HLTF: variants seen among roughly 807,000 people sequenced by gnomAD.
HLTF encodes the protein DNA-dependent ATPase/E3 ubiquitin-protein ligase HLTF.
HLTF carries 127 observed loss-of-function variants against 129.4 expected under a neutral mutation model. That is an observed-to-expected ratio of 0.98 (90% CI 0.85 to 1.14). The LOEUF is 1.14. Ranked by LOEUF, HLTF falls within the 50% of genes most tolerant of loss-of-function variation. HLTF has a pLI of 0.00. For missense variants in HLTF, 1,139 were observed against 1,187.1 expected (o/e 0.96, Z 0.60); for synonymous variants, 332 against 388.8 (o/e 0.85, Z 1.72).
At chr3:149,053,096 A>T (rs552691265) in intron 14 of HLTF, among the ~76,000 whole-genome samples, 3 of 152,252 alleles carry the variant, frequency 2.0e-5, no homozygotes, top group Non-Finnish European at 4.4e-5. Context: ...AAAAGGGAAT[A>T]TAAGTCAGTT....
intron 14 of HLTF, among the ~76,000 whole-genome samples, chr3:149,054,100 T>C (rs1041101090): frequency 5.9e-5 from 9 of 152,058 alleles, no homozygotes; most frequent in African/African-American, 1.9e-4. Flanking sequence ...AAAAAGACTA[T>C]AAAGCCAAGA....
In HLTF at chr3:149,063,411, A is replaced by G. The variant is rs758733185; in HGVS notation, c.1160+20T>C. On this transcript the variant is annotated intron_variant, in intron 10 of 24. Transcript: ENST00000310053. ...AGAGTCTAAATAAACATATGACATA[A>G]TCAAACCATAATAGTTTACCTTTTG... The G allele has an allele frequency of 3.5e-6, 5 of 1,443,866 alleles. No homozygotes were observed. Among genetic ancestry groups the G allele is most frequent in the East Asian group, 4.5e-5 (2 of 44,066 alleles). The allele number at this position is 1,443,866 out of a possible 1,614,324, so 89.4% of individuals were successfully genotyped here.
intron 2 of HLTF, among the ~76,000 whole-genome samples, chr3:149,078,610 C>A (rs1042513673): frequency 1.3e-5 from 2 of 152,046 alleles, no homozygotes; most frequent in African/African-American, 4.8e-5. Flanking sequence ...GTAATCCCAG[C>A]ACTTTGGGAG....
chr3:149,064,248 C>A (rs533497602), intron 9 of HLTF, among the ~76,000 whole-genome samples: 155 of 152,218 alleles, frequency 1.0e-3, no homozygotes, highest in African/African-American at 3.2e-3. Context: ...CTTTCCTGTT[C>A]CAAACTTAAG....
chr3:149,036,208 A>G (rs1400357293), intron 23 of HLTF, among the ~76,000 whole-genome samples: 2 of 152,120 alleles, frequency 1.3e-5, no homozygotes, highest in Non-Finnish European at 2.9e-5. Context: ...AGAATAACCA[A>G]AAAGATATAG....
intron 21 of HLTF, 55 bp downstream of exon 21, chr3:149,039,976 T>C: frequency 6.7e-7 from 1 of 1,483,426 alleles, no homozygotes; most frequent in Admixed American, 1.9e-5. Flanking sequence ...ACTGTGTATA[T>C]TTCCTTATAT....
At chr3:149,082,781 A>C (rs929907852) in intron 2 of HLTF, among the ~76,000 whole-genome samples, 3 of 152,266 alleles carry the variant, frequency 2.0e-5, no homozygotes, top group African/African-American at 4.8e-5. Flanking sequence ...CAAGGAAATT[A>C]TAAGTCCAAT....
At chr3:149,057,056 G>A (rs1188817557) in intron 13 of HLTF, among the ~76,000 whole-genome samples, 1 of 133,790 alleles carries the variant, frequency 7.5e-6, no homozygotes, top group Non-Finnish European at 1.5e-5. Flanking sequence ...CCTGCAGTGA[G>A]CCGAGATTGC....
chr3:149,060,371 T>C (rs1717820818), intron 12 of HLTF, among the ~76,000 whole-genome samples: 1 of 152,308 alleles, frequency 6.6e-6, no homozygotes, highest in Admixed American at 6.5e-5. Context: ...ATAGGTTTTA[T>C]TGAAGTCATT....
chr3:149,041,379 A>G (rs1271391466), intron 20 of HLTF, 111 bp downstream of exon 20: 2 of 539,936 alleles, frequency 3.7e-6, no homozygotes, highest in African/African-American at 2.0e-5. Flanking sequence ...TTAACTATCA[A>G]AGGTATATTA....
In HLTF at chr3:149,032,733, C is replaced by A. The variant is rs924449267; in HGVS notation, c.2878-361G>T. Among the ~76,000 whole-genome samples the A allele has an allele frequency of 2.6e-5, 4 of 152,162 alleles. No homozygotes were observed. In the South Asian group the frequency reaches 6.2e-4, roughly 24 times the overall value. Reference sequence around the variant, plus strand: ...ATCCCAGCACTTTGGGAGGCCGAGGCGGGCAGATCATGAGGTCAGGAGATC... The same window carrying A: ...ATCCCAGCACTTTGGGAGGCCGAGGAGGGCAGATCATGAGGTCAGGAGATC... On this transcript the variant is annotated intron_variant, in intron 24 of 24. Coordinates refer to ENST00000310053, the MANE Select transcript of HLTF (RefSeq NM_003071.4).
intron 19 of HLTF, 141 bp downstream of exon 19, chr3:149,042,025 C>T: frequency 1.4e-6 from 1 of 709,132 alleles, no homozygotes; most frequent in South Asian, 1.9e-5. Context: ...TGGATGTATT[C>T]CTAGCTGAGT....
chr3:149,068,427 CA>C (rs1718584024), intron 7 of HLTF, 92 bp from the exon 8 acceptor site: 1 of 610,538 alleles, frequency 1.6e-6, no homozygotes, highest in Non-Finnish European at 2.9e-6. Flanking sequence ...AATCGAATAT[CA>C]AATATCATTC....
rs773811328 is a variant in HLTF at position 149,063,440 on chromosome 3, C to T, written c.1151G>A (p.Arg384His). The T allele has an allele frequency of 5.7e-6, 9 of 1,585,230 alleles. No individual in the cohort carries two copies. The highest frequency in any genetic ancestry group is 1.7e-5 in the Admixed American group (1 of 59,922). Residue 384 changes from arginine (R) to histidine (H), a missense_variant, in exon 10 of 25, where the codon CGC becomes CAC. Coordinates refer to ENST00000310053, the MANE Select transcript of HLTF (RefSeq NM_003071.4). ...KFRMSELSSSRPKRRKTAVQY... is the reference protein window; with the variant it reads ...KFRMSELSSSHPKRRKTAVQY... The stretch of plus-strand genomic sequence containing the variant: ...AACCATAATAGTTTACCTTTTGGGG[C>T]GGGAGCTAGACAATTCTGACATGCG...
At chr3:149,074,556 G>A (rs1719173489) in intron 3 of HLTF, among the ~76,000 whole-genome samples, 1 of 152,098 alleles carries the variant, frequency 6.6e-6, no homozygotes, top group East Asian at 1.9e-4. Flanking sequence ...CAGAGTGCCA[G>A]AAAAAATTGA....
In HLTF at chr3:149,030,890, C is replaced by T. The variant is rs1256897137; in HGVS notation, c.*1330G>A. The T allele has an allele frequency of 5.3e-5, 8 of 152,164 alleles. No homozygotes were observed. The highest frequency in any genetic ancestry group is 2.6e-4 in the Admixed American group (4 of 15,282). 9.4% of individuals were successfully genotyped at this position (152,164 alleles called of 1,614,324 possible). ...ATTTGGCATATACCTTCAATGTGTGCCCTATAACACAACATTGTCTCCGAT... is the reference window on the plus strand; with the variant it reads ...ATTTGGCATATACCTTCAATGTGTGTCCTATAACACAACATTGTCTCCGAT... On this transcript the variant is annotated 3_prime_UTR_variant, in exon 25 of 25. Transcript: ENST00000310053.
chr3:149,069,485 A>AAG (rs901171312), intron 7 of HLTF, among the ~76,000 whole-genome samples: 13 of 152,024 alleles, frequency 8.6e-5, no homozygotes, highest in African/African-American at 1.7e-4. Context: ...AAAAAAAAAA[A>AAG]AAGAAGAAGA....
Position 149,064,782 on chromosome 3 carries a change from A to T in HLTF, c.1066+9T>A, listed in dbSNP as rs763496643. ...TCAAATATTGGATCATTTCAAAATT[A>T]GCATTTACCTTTGCTTAGTCCATCT... On this transcript the variant is annotated intron_variant, in intron 9 of 24. Coordinates refer to ENST00000310053, the MANE Select transcript of HLTF (RefSeq NM_003071.4). 2.0e-6 allele frequency: 3 copies of T among 1,497,062 alleles called. No homozygotes were observed. In the Admixed American group the frequency reaches 5.1e-5, roughly 25 times the overall value. 92.7% of individuals were successfully genotyped at this position (1,497,062 alleles called of 1,614,324 possible).
chr3:149,041,789 G>A, intron 19 of HLTF, 121 bp from the exon 20 acceptor site: 4 of 689,868 alleles, frequency 5.8e-6, no homozygotes, highest in South Asian at 2.0e-5. Context: ...TTCTGCCATA[G>A]GCAAAAAGCA....
Sources: allele counts gnomAD v4.1 joint callset (sites outside exome capture counted in the v4.1 genomes callset), GRCh38; gene constraint gnomAD v4.1.1; transcripts MANE v1.5; gene names NCBI Gene and HGNC (gene_info 2026-07-23, HGNC 2026-07-21).